Variants in AKNA observed in about 807,000 individuals in gnomAD.
AKNA encodes AT-hook transcription factor.
AKNA carries 67 observed loss-of-function variants against 138.8 expected under a neutral mutation model. That is an observed-to-expected ratio of 0.48 (90% CI 0.40 to 0.59). The LOEUF is 0.59. Among genes scored for constraint, AKNA ranks in the 20% least tolerant of loss-of-function variants. The pLI is 0.00. For missense variants in AKNA, 1,813 were observed against 1,880.4 expected (o/e 0.96, Z 0.66); for synonymous variants, 737 against 754.4 (o/e 0.98, Z 0.38).
intron 10 of AKNA, 40 bp from the exon 11 acceptor site, chr9:114,359,834 T>TG: frequency 6.2e-7 from 1 of 1,612,546 alleles, no homozygotes; most frequent in Non-Finnish European, 8.5e-7. Flanking sequence ...CTCTGCCCAG[T>TG]GGGGGACAGC....
chr9:114,395,400 G>C (rs567030813), upstream of AKNA, among the ~76,000 whole-genome samples: 6 of 151,962 alleles, frequency 3.9e-5, no homozygotes, highest in African/African-American at 1.4e-4. Flanking sequence ...CAAATCTTAG[G>C]GCACCATCCT....
chr9:114,358,146 T>C lies in AKNA; in HGVS notation c.2514A>G (p.Val838=), dbSNP rs1831644384. ...APLEEATEKM[V]SMKPPGFQAS... is the part of the protein sequence containing the mutation. The stretch of plus-strand genomic sequence containing the variant: ...CCTGGAAACCTGGTGGCTTCATAGA[T>C]ACCATCTTCTCCGTGGCCTCCCTGG... The change falls in exon 12 of 22, where the codon GTA becomes GTG. Residue 838 remains valine, a synonymous_variant. Coordinates refer to ENST00000374088, the MANE Select transcript of AKNA (RefSeq NM_001317950.2). 6.2e-7 allele frequency: 1 copy of C among 1,614,020 alleles called. No individual in the cohort carries two copies. Among genetic ancestry groups the C allele is most frequent in the African/African-American group, 1.3e-5 (1 of 74,930 alleles).
In AKNA at chr9:114,387,909, C is replaced by G. The variant is rs1265307257; in HGVS notation, c.-163G>C. ...TGCCGACCCAGTTTCAGGGGACCTG[C>G]CTGTGAATTCTTTGTTCCAAACCCA... On this transcript the variant is annotated 5_prime_UTR_variant, in exon 1 of 22. Transcript: ENST00000374088. 1 of 454,976 alleles carries G rather than the reference C, an allele frequency of 2.2e-6. No homozygotes were observed. The highest frequency in any genetic ancestry group is 7.0e-5 in the East Asian group (1 of 14,346). The allele number at this position is 454,976 out of a possible 1,614,324, so 28.2% of individuals were successfully genotyped here. A position where few individuals can be genotyped will look rare whatever the true frequency, so the allele number is the denominator to read the frequency against.
chr9:114,359,697 C>T lies in AKNA; in HGVS notation c.2389G>A (p.Glu797Lys). 1.2e-6 allele frequency: 2 copies of T among 1,612,648 alleles called. No individual in the cohort carries two copies. The highest frequency in any genetic ancestry group is 1.7e-6 in the Non-Finnish European group (2 of 1,179,184). ...EEEEGGGDSLEVDGVAATPGK... is the reference protein window; with the variant it reads ...EEEEGGGDSLKVDGVAATPGK... Reference sequence around the variant, plus strand: ...GGAGTTGCAGCCACCCCATCAACTTCCAGGGAGTCACCTCCCCCCTCTTCC... The same window carrying T: ...GGAGTTGCAGCCACCCCATCAACTTTCAGGGAGTCACCTCCCCCCTCTTCC... Residue 797 changes from glutamate (E) to lysine (K), a missense_variant, in exon 11 of 22, where the codon GAA becomes AAA. Coordinates refer to ENST00000374088, the MANE Select transcript of AKNA (RefSeq NM_001317950.2).
intron 19 of AKNA, among the ~76,000 whole-genome samples, chr9:114,342,632 C>T (rs555034469): frequency 1.1e-4 from 17 of 152,214 alleles, no homozygotes; most frequent in African/African-American, 2.9e-4. Flanking sequence ...TGCCATTGTT[C>T]TCTTCCCACA....
intron 14 of AKNA, among the ~76,000 whole-genome samples, chr9:114,354,500 T>C (rs1367875544): frequency 6.6e-6 from 1 of 151,978 alleles, no homozygotes; most frequent in African/African-American, 2.4e-5. Context: ...GATCACGAGG[T>C]CAGGAGATCG....
At chr9:114,333,822 T>G (rs2131733601), downstream of AKNA, among the ~76,000 whole-genome samples, 1 of 150,716 alleles carries the variant, frequency 6.6e-6, no homozygotes, top group South Asian at 2.1e-4. Flanking sequence ...TAAACAGGAG[T>G]GGAGGTGTGA....
At position 114,341,583 on chromosome 9, in the gene AKNA, G is replaced by A; in HGVS notation, c.4017C>T (p.Ala1339=). 6.2e-7 allele frequency: 1 copy of A among 1,614,128 alleles called. No individual in the cohort carries two copies. Among genetic ancestry groups the A allele is most frequent in the Non-Finnish European group, 8.5e-7 (1 of 1,180,014 alleles). ...TGGGAACCGAGGAGATGTAGGCAAA[G>A]GCTGGAGGGGCTGGTGCTGGGGGCG... ...ATAPPAPAPP[A]FAYISSVPIM... is the part of the protein sequence containing the mutation. The change falls in exon 21 of 22, where the codon GCC becomes GCT. Residue 1339 remains alanine (A), a synonymous_variant. Coordinates refer to ENST00000374088, the MANE Select transcript of AKNA (RefSeq NM_001317950.2).
chr9:114,394,504 C>G (rs1834468377), upstream of AKNA: 1 of 152,194 alleles, frequency 6.6e-6, no homozygotes, highest in Non-Finnish European at 1.5e-5. Flanking sequence ...TTCTCCTCCT[C>G]TGTTTAAACT....
At chr9:114,346,557 C>CA (rs375951608) in intron 17 of AKNA, 112 bp downstream of exon 17, 2 of 824,020 alleles carry the variant, frequency 2.4e-6, no homozygotes, top group South Asian at 1.9e-5. Context: ...AACAGATGCA[C>CA]AAAAACCCTT....
chr9:114,372,159 C>G (rs1248963583), intron 4 of AKNA, among the ~76,000 whole-genome samples: 1 of 152,158 alleles, frequency 6.6e-6, no homozygotes. Context: ...GCTCACACTT[C>G]TTGAGGCTGA....
intron 21 of AKNA, among the ~76,000 whole-genome samples, chr9:114,340,897 T>C (rs1376622879): frequency 6.6e-6 from 1 of 152,150 alleles, no homozygotes; most frequent in Non-Finnish European, 1.5e-5. Context: ...TAAGGAGGCA[T>C]GGCAATCGCA....
downstream of AKNA, chr9:114,330,586 C>T (rs753718749): frequency 1.2e-6 from 2 of 1,612,618 alleles, no homozygotes; most frequent in Non-Finnish European, 1.7e-6. Flanking sequence ...GGTGAGAGCC[C>T]CCATTCCAAT....
downstream of AKNA, among the ~76,000 whole-genome samples, chr9:114,332,784 A>T (rs1160914367): frequency 2.0e-4 from 31 of 152,292 alleles, no homozygotes; most frequent in Admixed American, 3.3e-4. Context: ...GTTGTGAGGA[A>T]TTCAGGAGCT....
At chr9:114,360,185 G>T in intron 9 of AKNA, 123 bp from the exon 10 acceptor site, 2 of 1,149,826 alleles carry the variant, frequency 1.7e-6, no homozygotes, top group Non-Finnish European at 2.5e-6. Flanking sequence ...GACTCACTAA[G>T]CCCACCACCC....
At chr9:114,340,371 G>A (rs955355636) in intron 21 of AKNA, among the ~76,000 whole-genome samples, 2 of 152,190 alleles carry the variant, frequency 1.3e-5, no homozygotes, top group Non-Finnish European at 2.9e-5. Flanking sequence ...TACTTCTGGG[G>A]ACTGGGCTTT....
At chr9:114,333,366 G>C, downstream of AKNA, 1 of 586,882 alleles carries the variant, frequency 1.7e-6, no homozygotes, top group Non-Finnish European at 3.0e-6. Context: ...ACACGTGCCA[G>C]GATGGAGGAT....
chr9:114,396,095 G>A (rs963063251), upstream of AKNA, among the ~76,000 whole-genome samples: 14 of 152,100 alleles, frequency 9.2e-5, no homozygotes, highest in African/African-American at 3.4e-4. Context: ...ACAATGTTTT[G>A]AGCACCTACT....
In AKNA at chr9:114,377,266, C is replaced by T. The variant is rs1833306740; in HGVS notation, c.541G>A (p.Asp181Asn). The T allele has an allele frequency of 6.2e-7, 1 of 1,614,184 alleles. No homozygotes were observed. Among genetic ancestry groups the T allele is most frequent in the Middle Eastern group, 1.6e-4 (1 of 6,062 alleles). Residue 181 changes from aspartate to asparagine, a missense_variant, in exon 3 of 22, where the codon GAC becomes AAC. By Grantham distance (23) the Asp-to-Asn change is conservative (BLOSUM62 1). Transcript: ENST00000374088. ...ACCTCGGAATGTTCAGAAAGTTTGT[C>T]CCCACTGGCTTGTTCGCCAGAAGCC... ...WVASGEQASG[D>N]KLSEHSEVNP...
Sources: allele counts gnomAD v4.1 joint callset (sites outside exome capture counted in the v4.1 genomes callset), GRCh38; gene constraint gnomAD v4.1.1; transcripts MANE v1.5; gene names NCBI Gene and HGNC (gene_info 2026-07-23, HGNC 2026-07-21).